The following NKAIN3 variants were observed in gnomAD, a reference collection of about 807,000 sequenced individuals.
NKAIN3 encodes sodium/potassium-transporting ATPase subunit beta-1-interacting protein 3.
In NKAIN3, 25 loss-of-function variants were observed where a neutral mutation model predicts 30.2. The ratio of observed to expected loss-of-function variants is 0.83; its 90% CI spans 0.60 to 1.16. The LOEUF (loss-of-function observed/expected upper bound fraction) is 1.16, where lower values mean the gene tolerates loss of function less well. Ranked by LOEUF, NKAIN3 falls within the 50% of genes most tolerant of loss-of-function variation. NKAIN3 has a pLI of 0.00. For missense variants in NKAIN3, 225 were observed against 254.1 expected, an observed-to-expected ratio of 0.89 and a Z score of 0.78; for synonymous variants, 91 against 89.6, an observed-to-expected ratio of 1.02 and a Z score of -0.09.
At chr8:62,500,465 GAAAGAAA>G (rs1807401021) in intron 1 of NKAIN3, among the ~76,000 whole-genome samples, 6 of 125,440 alleles carry the variant, frequency 4.8e-5, no homozygotes, top group African/African-American at 1.9e-4. Context: ...AAGAAAGAAA[GAAAGAAA>G]GAAAGAAAGA....
intron 1 of NKAIN3, among the ~76,000 whole-genome samples, chr8:62,525,868 T>G (rs574046518): frequency 6.6e-6 from 1 of 152,144 alleles, no homozygotes; most frequent in African/African-American, 2.4e-5. Flanking sequence ...AAAATTGGAG[T>G]TAAGTATTCA....
intron 2 of NKAIN3, 23 bp downstream of exon 2, chr8:62,579,699 T>G (rs7838713): frequency 1.5e-6 from 2 of 1,369,942 alleles, no homozygotes. Context: ...TTTATCATTT[T>G]GCTTCATATA....
chr8:62,707,050 CAT>C (rs1198328085), intron 3 of NKAIN3, among the ~76,000 whole-genome samples: 1 of 97,850 alleles, frequency 1.0e-5, no homozygotes, highest in African/African-American at 4.7e-5. Flanking sequence ...TTCCATCATA[CAT>C]ACATACACAC....
intron 1 of NKAIN3, among the ~76,000 whole-genome samples, chr8:62,260,502 C>A (rs989886336): frequency 6.6e-6 from 1 of 152,142 alleles, no homozygotes; most frequent in African/African-American, 2.4e-5. Context: ...TCATCTAGAG[C>A]CATTGTTCGC....
chr8:62,864,441 G>A (rs990818472), intron 4 of NKAIN3, among the ~76,000 whole-genome samples: 1 of 152,166 alleles, frequency 6.6e-6, no homozygotes, highest in Non-Finnish European at 1.5e-5. Context: ...AGCAGCAACT[G>A]GACGATGAAG....
intron 1 of NKAIN3, among the ~76,000 whole-genome samples, chr8:62,427,612 G>A (rs951371468): frequency 6.6e-6 from 1 of 151,864 alleles, no homozygotes; most frequent in Admixed American, 6.6e-5. Flanking sequence ...TGTGTACAAA[G>A]CTTGCTACCT....
At chr8:62,918,825 G>C (rs1455792998) in intron 5 of NKAIN3, among the ~76,000 whole-genome samples, 1 of 152,082 alleles carries the variant, frequency 6.6e-6, no homozygotes, top group African/African-American at 2.4e-5. Flanking sequence ...GTCAGCGGTT[G>C]TTTTACCTAT....
intron 1 of NKAIN3, among the ~76,000 whole-genome samples, chr8:62,465,363 A>G (rs1312866729): frequency 6.6e-6 from 1 of 152,194 alleles, no homozygotes; most frequent in Non-Finnish European, 1.5e-5. Flanking sequence ...TAAAACAAGA[A>G]CGTTAACACA....
chr8:62,927,497 G>A (rs1369902360), intron 5 of NKAIN3, among the ~76,000 whole-genome samples: 14 of 152,190 alleles, frequency 9.2e-5, no homozygotes, highest in Middle Eastern at 6.8e-3. Context: ...TGTTTCTACC[G>A]TAAAGAAAAG....
intron 3 of NKAIN3, among the ~76,000 whole-genome samples, chr8:62,638,907 ATTGT>A (rs1204126119): frequency 6.6e-6 from 1 of 152,122 alleles, no homozygotes; most frequent in African/African-American, 2.4e-5. Flanking sequence ...TTCTGGCCTC[ATTGT>A]TTGTTTTCTT....
At chr8:62,652,254 T>C (rs746836765) in intron 3 of NKAIN3, among the ~76,000 whole-genome samples, 2 of 152,180 alleles carry the variant, frequency 1.3e-5, no homozygotes, top group Non-Finnish European at 2.9e-5. Context: ...CTTGGCAATT[T>C]TTATGGCAGA....
chr8:62,417,347 A>G (rs1804480341), intron 1 of NKAIN3, among the ~76,000 whole-genome samples: 1 of 152,196 alleles, frequency 6.6e-6, no homozygotes. Context: ...GTGTATAAGT[A>G]CCATACTTTC....
intron 4 of NKAIN3, among the ~76,000 whole-genome samples, chr8:62,908,534 G>A (rs1821846018): frequency 6.6e-6 from 1 of 151,986 alleles, no homozygotes; most frequent in African/African-American, 2.4e-5. Context: ...GTCATGGGAG[G>A]GACCCAGTGG....
At chr8:62,662,623 A>T (rs1490876438) in intron 3 of NKAIN3, among the ~76,000 whole-genome samples, 1 of 152,160 alleles carries the variant, frequency 6.6e-6, no homozygotes, top group Non-Finnish European at 1.5e-5. Flanking sequence ...TGTAGTGGTA[A>T]TTTTTAAAGT....
chr8:62,680,426 T>A (rs1813613659), intron 3 of NKAIN3, among the ~76,000 whole-genome samples: 1 of 152,204 alleles, frequency 6.6e-6, no homozygotes, highest in Non-Finnish European at 1.5e-5. Context: ...ATAGCAGGCA[T>A]AGAAAACTAA....
chr8:62,939,224 A>G (rs1822877627), intron 5 of NKAIN3, among the ~76,000 whole-genome samples: 1 of 152,216 alleles, frequency 6.6e-6, no homozygotes, highest in African/African-American at 2.4e-5. Flanking sequence ...TCAGAAAAAA[A>G]TGAGTAAAGC....
intron 3 of NKAIN3, among the ~76,000 whole-genome samples, chr8:62,649,064 TGAA>T (rs1489581525): frequency 1.3e-5 from 2 of 152,176 alleles, no homozygotes; most frequent in African/African-American, 2.4e-5. Flanking sequence ...GTATATCCTG[TGAA>T]GAAGCCTGAG....
chr8:62,774,633 G>C (rs879395695), intron 4 of NKAIN3, among the ~76,000 whole-genome samples: 5 of 152,070 alleles, frequency 3.3e-5, no homozygotes, highest in Non-Finnish European at 7.4e-5. Context: ...GAATTTTATA[G>C]AATGCTTTCT....
chr8:62,644,431 A>T (rs1812397369), intron 3 of NKAIN3, among the ~76,000 whole-genome samples: 1 of 125,390 alleles, frequency 8.0e-6, no homozygotes, highest in African/African-American at 3.5e-5. Flanking sequence ...GAAGGCTAAT[A>T]GTGTTTTTTT....
Sources: allele counts gnomAD v4.1 joint callset (sites outside exome capture counted in the v4.1 genomes callset), GRCh38; gene constraint gnomAD v4.1.1; transcripts MANE v1.5; gene names NCBI Gene and HGNC (gene_info 2026-07-23, HGNC 2026-07-21).